E2F7: variants seen among roughly 807,000 people sequenced by gnomAD.
E2F7 encodes the protein E2F transcription factor 7, also known as transcription factor E2F7.
In E2F7, 35 loss-of-function variants were observed where a neutral mutation model predicts 81.1. The observed-to-expected ratio is 0.43, with a 90% CI of 0.33 to 0.57. The LOEUF is 0.57. Among genes scored for constraint, E2F7 ranks in the 20% least tolerant of loss-of-function variants. The pLI is 0.04. For synonymous variants in E2F7, 416 were observed against 416.2 expected, an observed-to-expected ratio of 1.00 and a Z score of 0.01; for missense variants, 961 against 1,093.7, an observed-to-expected ratio of 0.88 and a Z score of 1.71.
At position 77,023,342 on chromosome 12, in the gene E2F7, C is replaced by T. The variant is rs1484800397; in HGVS notation, c.*673G>A. On this transcript the variant is annotated 3_prime_UTR_variant, in exon 13 of 13. Coordinates refer to ENST00000322886, the MANE Select transcript of E2F7 (RefSeq NM_203394.3). ...ACAGTTCATTTACAGCAAGGTGTGT[C>T]ATTCACAGTTATTTTGGTCTTGACA... 2 of 152,674 alleles carry T rather than the reference C, an allele frequency of 1.3e-5. No homozygotes were observed. The highest frequency in any genetic ancestry group is 1.3e-4 in the Admixed American group (2 of 15,284). The allele number at this position is 152,674 out of a possible 1,614,324, so 9.5% of individuals were successfully genotyped here.
In E2F7 at chr12:77,044,614, T is replaced by C. The variant is rs569203139; in HGVS notation, c.988+23A>G. 3.3e-5 allele frequency: 53 copies of C among 1,611,466 alleles called. No homozygotes were observed. In the South Asian group the frequency reaches 5.1e-4, roughly 15 times the overall value. On this transcript the variant is annotated intron_variant, in intron 6 of 12. Transcript: ENST00000322886. ...ATCCCACCCTTTATGTGCTAGTAAGTTGATGGAGGTGAAGATTCTTACTTT... is the reference window on the plus strand; with the variant it reads ...ATCCCACCCTTTATGTGCTAGTAAGCTGATGGAGGTGAAGATTCTTACTTT...
intron 10 of E2F7, 47 bp downstream of exon 10, chr12:77,029,784 C>T: frequency 6.2e-7 from 1 of 1,600,540 alleles, no homozygotes; most frequent in African/African-American, 1.3e-5. Context: ...GGAAGAAGCT[C>T]AGGGCTAACA....
chr12:77,030,273 G>T lies in E2F7; in HGVS notation c.1442C>A (p.Ala481Asp), dbSNP rs746166714. 13 of 1,604,068 alleles carry T rather than the reference G, an allele frequency of 8.1e-6. No homozygotes were observed. The highest frequency in any genetic ancestry group is 3.3e-4 in the Middle Eastern group (2 of 6,022). Residue 481 changes from alanine (A) to aspartate (D), a missense_variant, in exon 10 of 13, where the codon GCT (alanine) becomes GAT (aspartate). Physicochemically the swap from Ala to Asp is moderately radical, Grantham distance 126 (BLOSUM62 -2). Coordinates refer to ENST00000322886, the MANE Select transcript of E2F7 (RefSeq NM_203394.3). ...VPPSSSLDPV[A>D]PFPVLSVDPE... ...GTCAACAGAGAGGACAGGGAAAGGA[G>T]CAACAGGGTCCAAGCTGCTTGATGG...
chr12:77,027,043 G>A lies in E2F7; in HGVS notation c.2140+840C>T, dbSNP rs17042752. On this transcript the variant is annotated intron_variant, in intron 11 of 12. Transcript: ENST00000322886. ...GCTGAATCTATTTTTGTTCATTTGTGTATCCCCAATACTCAGTGCTTAGAG... is the reference window on the plus strand; with the variant it reads ...GCTGAATCTATTTTTGTTCATTTGTATATCCCCAATACTCAGTGCTTAGAG... Among the ~76,000 whole-genome samples, 1,287 of 152,204 alleles carry A rather than the reference G, an allele frequency of 8.5e-3. 13 individuals carry two copies. Among genetic ancestry groups the A allele is most frequent in the African/African-American group, 0.028 (1,169 of 41,528 alleles).
intron 9 of E2F7, among the ~76,000 whole-genome samples, chr12:77,032,170 TG>T (rs1369224935): frequency 6.6e-6 from 1 of 152,202 alleles, no homozygotes; most frequent in African/African-American, 2.4e-5. Context: ...TAATCCCACC[TG>T]CAAAAAGTAG....
At chr12:77,053,156 C>G (rs1955003843) in intron 3 of E2F7, among the ~76,000 whole-genome samples, 1 of 152,080 alleles carries the variant, frequency 6.6e-6, no homozygotes, top group Non-Finnish European at 1.5e-5. Flanking sequence ...TAGGTATGTA[C>G]CCAAAACAGT....
chr12:77,061,103 A>C (rs900522576), intron 2 of E2F7, among the ~76,000 whole-genome samples: 6 of 152,124 alleles, frequency 3.9e-5, no homozygotes. Flanking sequence ...AAACCGCAAG[A>C]GTGCACACAC....
In E2F7 at chr12:77,023,878, G is replaced by T; in HGVS notation, c.*137C>A. On this transcript the variant is annotated 3_prime_UTR_variant, in exon 13 of 13. Transcript: ENST00000322886. ...CTTTCAGGAAATCAGATGATTGATG[G>T]TGGTGGGAAGTTAACAGAAGTGTGG... The T allele has an allele frequency of 9.9e-7, 1 of 1,007,944 alleles. No homozygotes were observed. The highest frequency in any genetic ancestry group is 1.4e-6 in the Non-Finnish European group (1 of 690,482). 62.4% of individuals were successfully genotyped at this position (1,007,944 alleles called of 1,614,324 possible).
chr12:77,047,799 G>A (rs1954955150), intron 4 of E2F7, among the ~76,000 whole-genome samples: 1 of 152,198 alleles, frequency 6.6e-6, no homozygotes, highest in Non-Finnish European at 1.5e-5. Context: ...ATGCCTGCCG[G>A]AAGGTGCTGG....
At chr12:77,046,708 G>A (rs1248719851) in intron 4 of E2F7, among the ~76,000 whole-genome samples, 1 of 152,188 alleles carries the variant, frequency 6.6e-6, no homozygotes, top group Non-Finnish European at 1.5e-5. Flanking sequence ...GTGATAAATG[G>A]ATGGTTGACT....
intron 9 of E2F7, among the ~76,000 whole-genome samples, chr12:77,031,222 A>G (rs1413136050): frequency 6.6e-6 from 1 of 152,022 alleles, no homozygotes; most frequent in Non-Finnish European, 1.5e-5. Context: ...CTAAAATAAG[A>G]AAATGAAATA....
chr12:77,045,360 T>C (rs538832258), intron 5 of E2F7, among the ~76,000 whole-genome samples: 2 of 152,312 alleles, frequency 1.3e-5, no homozygotes, highest in South Asian at 4.1e-4. Flanking sequence ...CCCCAACAGA[T>C]GGCTGTCTTC....
In E2F7 at chr12:77,023,882, T is replaced by C; in HGVS notation, c.*133A>G. ...CAGGAAATCAGATGATTGATGGTGG[T>C]GGGAAGTTAACAGAAGTGTGGATGA... On this transcript the variant is annotated 3_prime_UTR_variant, in exon 13 of 13. Coordinates refer to ENST00000322886, the MANE Select transcript of E2F7 (RefSeq NM_203394.3). 1 of 1,042,404 alleles carries C rather than the reference T, an allele frequency of 9.6e-7. No homozygotes were observed. The highest frequency in any genetic ancestry group is 1.4e-6 in the Non-Finnish European group (1 of 721,222). The allele number at this position is 1,042,404 out of a possible 1,614,324, so 64.6% of individuals were successfully genotyped here. A position where few individuals can be genotyped will look rare whatever the true frequency, so the allele number is the denominator to read the frequency against.
chr12:77,030,074 C>A lies in E2F7; in HGVS notation c.1641G>T (p.Val547=). The change falls in exon 10 of 13, where the codon GTG becomes GTT. Residue 547 remains valine, a synonymous_variant. Coordinates refer to ENST00000322886, the MANE Select transcript of E2F7 (RefSeq NM_203394.3). ...KPALLAGQPL[V]YVPSASLFML... is the part of the protein sequence containing the mutation. ...TGAACAGTGAGGCAGAGGGCACATACACTAGAGGCTGGCCAGCAAGGAGTG... is the reference window on the plus strand; with the variant it reads ...TGAACAGTGAGGCAGAGGGCACATAAACTAGAGGCTGGCCAGCAAGGAGTG... 6.2e-7 allele frequency: 1 copy of A among 1,614,198 alleles called. No homozygotes were observed. The highest frequency in any genetic ancestry group is 8.5e-7 in the Non-Finnish European group (1 of 1,180,038).
Position 77,063,698 on chromosome 12 carries a change from C to G in E2F7, c.93+845G>C, listed in dbSNP as rs541646398. Among the ~76,000 whole-genome samples the G allele has an allele frequency of 2.0e-5, 3 of 152,226 alleles. No homozygotes were observed. The South Asian group carries it at 6.2e-4, about 32-fold the overall frequency. On this transcript the variant is annotated intron_variant, in intron 2 of 12. Transcript: ENST00000322886. ...GGGGAGCATACAATTTCGCATCTAT[C>G]CTAAATTAGCAATTATCAAGTATTC...
chr12:77,041,586 A>T (rs1954895567), intron 7 of E2F7, among the ~76,000 whole-genome samples: 1 of 152,130 alleles, frequency 6.6e-6, no homozygotes, highest in Non-Finnish European at 1.5e-5. Flanking sequence ...TGTCTATCAC[A>T]TCTAGTCCAA....
rs1954721512 is a variant in E2F7 at position 77,022,539 on chromosome 12, A to G, written c.*1476T>C. The G allele has an allele frequency of 1.3e-5, 2 of 152,518 alleles. No homozygotes were observed. 9.4% of individuals were successfully genotyped at this position (152,518 alleles called of 1,614,324 possible). On this transcript the variant is annotated 3_prime_UTR_variant, in exon 13 of 13. Transcript: ENST00000322886. ...ATTAATATTTTCATTCTTTCATATAACATTTTATTGGGTCAAAAAATAAAA... is the reference window on the plus strand; with the variant it reads ...ATTAATATTTTCATTCTTTCATATAGCATTTTATTGGGTCAAAAAATAAAA...
chr12:77,025,730 G>C lies in E2F7; in HGVS notation c.2393C>G (p.Pro798Arg). 1 of 1,614,146 alleles carries C rather than the reference G, an allele frequency of 6.2e-7. No homozygotes were observed. Among genetic ancestry groups the C allele is most frequent in the Non-Finnish European group, 8.5e-7 (1 of 1,180,042 alleles). The stretch of plus-strand genomic sequence containing the variant: ...CGACTTTGGATTAACCACAGCTGTG[G>C]GGCCGACGAGAAGCTGGGCTATTGA... ...LGSIAQLLVG[P>R]TAVVNPKSST... Residue 798 changes from proline to arginine, a missense_variant, in exon 12 of 13, where the codon CCC becomes CGC. Pro to Arg is a moderately radical substitution (Grantham distance 103). Around this residue, in one of 3 missense-constraint regions of E2F7, gnomAD observed 587 missense variants for 620.3 expected, o/e 0.95. Transcript: ENST00000322886.
chr12:77,065,339 G>C lies in E2F7; in HGVS notation c.-1+6C>G, dbSNP rs571787190. 6.6e-6 allele frequency: 1 copy of C among 152,306 alleles called. No homozygotes were observed. The highest frequency in any genetic ancestry group is 1.9e-4 in the East Asian group (1 of 5,178). The allele number at this position is 152,306 out of a possible 1,614,324, so 9.4% of individuals were successfully genotyped here. On this transcript the variant is annotated splice_donor_region_variant and intron_variant, in intron 1 of 12. Transcript: ENST00000322886. The stretch of plus-strand genomic sequence containing the variant: ...CTCCCCACTGGCGCTGGGGCCGCAC[G>C]CTTACCCCTGCTTTCCTAAGGAGGC...
Sources: allele counts gnomAD v4.1 joint callset (sites outside exome capture counted in the v4.1 genomes callset), GRCh38; gene constraint gnomAD v4.1.1; regional missense constraint gnomAD v4.1.1; transcripts MANE v1.5; gene names NCBI Gene and HGNC (gene_info 2026-07-23, HGNC 2026-07-21).